The following LRP1 variants were observed in gnomAD, a reference collection of about 807,000 sequenced individuals.
The protein encoded by LRP1 is LDL receptor related protein 1.
LRP1 carries 51 observed loss-of-function variants against 541.5 expected under a neutral mutation model. That is an observed-to-expected ratio of 0.09 (90% confidence interval 0.08 to 0.12). The LOEUF is 0.12. Ranked by LOEUF, LRP1 falls within the 10% of genes least tolerant of loss-of-function variation. The probability of loss-of-function intolerance (pLI) is 1.00; values close to 1 mark genes in which losing one functional copy is unlikely to be tolerated. For synonymous variants in LRP1, 2,219 were observed against 2,470.8 expected, an observed-to-expected ratio of 0.90 and a Z score of 3.02; for missense variants, 3,878 against 6,376.2, an observed-to-expected ratio of 0.61 and a Z score of 13.34.
chr12:57,180,219 C>T (rs1166978802), intron 31 of LRP1, 78 bp downstream of exon 31: 4 of 1,568,268 alleles, frequency 2.6e-6, no homozygotes, highest in Non-Finnish European at 3.5e-6. Context: ...CCTTCAGTTG[C>T]CCCTCAGCCT....
At chr12:57,132,397 C>T (rs563995264) in intron 1 of LRP1, among the ~76,000 whole-genome samples, 1 of 152,302 alleles carries the variant, frequency 6.6e-6, no homozygotes, top group African/African-American at 2.4e-5. Context: ...CCTTTCTACC[C>T]TCCTGACTCC....
Position 57,206,828 on chromosome 12 carries a change from T to G in LRP1, c.11859+87T>G, listed in dbSNP as rs982358298. The G allele has an allele frequency of 6.9e-6, 10 of 1,459,096 alleles. No individual in the cohort carries two copies. Among genetic ancestry groups the G allele is most frequent in the Non-Finnish European group, 9.3e-6 (10 of 1,072,946 alleles). The allele number at this position is 1,459,096 out of a possible 1,614,324, so 90.4% of individuals were successfully genotyped here. On this transcript the variant is annotated intron_variant, in intron 76 of 88. Transcript: ENST00000243077. The surrounding 1 kb of genome is among the most constrained non-coding windows in gnomAD (Gnocchi z 4.7). ...AGGATTTGAAAAGGGCAGTGCTGGC[T>G]AGGCGCAGTGGCTCACGCCTATAAT... is the stretch of plus-strand genomic sequence containing the variant.
Position 57,154,858 on chromosome 12 carries a change from G to A in LRP1, c.1227+157G>A. On this transcript the variant is annotated intron_variant, in intron 8 of 88. Transcript: ENST00000243077. This position sits in a 1 kb window ranked among gnomAD's most constrained non-coding sequence, Gnocchi z 4.6. Reference sequence around the variant, plus strand: ...TGGGAGTGGGGTGGGCTTGAATACTGCAGAGAAAGGACAAGATACGGGTTC... The same window carrying A: ...TGGGAGTGGGGTGGGCTTGAATACTACAGAGAAAGGACAAGATACGGGTTC... 2.9e-6 allele frequency: 2 copies of A among 680,224 alleles called. No individual in the cohort carries two copies. Among genetic ancestry groups the A allele is most frequent in the Admixed American group, 4.4e-5 (2 of 45,022 alleles). The allele number at this position is 680,224 out of a possible 1,614,324, so 42.1% of individuals were successfully genotyped here. A position where few individuals can be genotyped will look rare whatever the true frequency, so the allele number is the denominator to read the frequency against.
In LRP1 at chr12:57,179,963, C is replaced by T. The variant is rs1157670948; in HGVS notation, c.5141+7C>T. On this transcript the variant is annotated splice_region_variant and intron_variant, in intron 30 of 88. Coordinates refer to ENST00000243077, the MANE Select transcript of LRP1 (RefSeq NM_002332.3). The surrounding 1 kb of genome is among the most constrained non-coding windows in gnomAD (Gnocchi z 6.8). ...TCGTCCACCCTCTGCGTGGGTCAGTCTAGGGCCCAGGGCCGGGGAGCATGG... is the reference window on the plus strand; with the variant it reads ...TCGTCCACCCTCTGCGTGGGTCAGTTTAGGGCCCAGGGCCGGGGAGCATGG... 6.2e-7 allele frequency: 1 copy of T among 1,613,880 alleles called. No individual in the cohort carries two copies. The highest frequency in any genetic ancestry group is 1.3e-5 in the African/African-American group (1 of 74,938).
chr12:57,184,236 C>A lies in LRP1; in HGVS notation c.6059+22C>A. 6.2e-7 allele frequency: 1 copy of A among 1,613,228 alleles called. No individual in the cohort carries two copies. Among genetic ancestry groups the A allele is most frequent in the Non-Finnish European group, 8.5e-7 (1 of 1,179,316 alleles). On this transcript the variant is annotated intron_variant, in intron 37 of 88. Coordinates refer to ENST00000243077, the MANE Select transcript of LRP1 (RefSeq NM_002332.3). The surrounding 1 kb of genome is among the most constrained non-coding windows in gnomAD (Gnocchi z 7.8). ...AAGGGTGAGGAGCTGGAAAGACTGG[C>A]CTTGTCATTCTGCCCATGGCCCATG...
chr12:57,141,395 G>C lies in LRP1; in HGVS notation c.212G>C (p.Arg71Pro). ...PEICPQSKAQ[R>P]CQPNEHNCLG... ...TCAGGTCCACAGAGTAAGGCCCAGC[G>C]ATGCCAGCCAAACGAGCATAACTGC... Residue 71 changes from arginine (R) to proline (P), a missense_variant, in exon 3 of 89, where the codon CGA (arginine) becomes CCA (proline). Arg to Pro is a moderately radical substitution (Grantham distance 103, BLOSUM62 -2). This residue lies in a region of LRP1 where 293 missense variants were observed against 403.7 expected (regional missense o/e 0.73). Transcript: ENST00000243077. The C allele has an allele frequency of 6.2e-7, 1 of 1,614,138 alleles. No homozygotes were observed. The highest frequency in any genetic ancestry group is 8.5e-7 in the Non-Finnish European group (1 of 1,180,014).
chr12:57,143,625 G>A lies in LRP1; in HGVS notation c.329-54G>A, dbSNP rs1031100996. ...GGTTTAGGGGAAGGTTGTGGCCTGC[G>A]TGGAGCTGCCAGATCTGGCGGCCTG... On this transcript the variant is annotated intron_variant, in intron 3 of 88. Transcript: ENST00000243077. 3.0e-5 allele frequency: 47 copies of A among 1,585,602 alleles called. 1 individual carries two copies. The highest frequency in any genetic ancestry group is 3.8e-5 in the Non-Finnish European group (44 of 1,161,322).
chr12:57,145,798 G>T (rs372540679), intron 6 of LRP1, among the ~76,000 whole-genome samples: 1 of 152,150 alleles, frequency 6.6e-6, no homozygotes, highest in African/African-American at 2.4e-5. Flanking sequence ...TGACTAGACT[G>T]CAGAGGGACT....
chr12:57,145,430 A>G lies in LRP1; in HGVS notation c.781A>G (p.Met261Val). 10 of 1,614,082 alleles carry G rather than the reference A, an allele frequency of 6.2e-6. No homozygotes were observed. Among genetic ancestry groups the G allele is most frequent in the Non-Finnish European group, 8.5e-6 (10 of 1,180,010 alleles). The change falls in exon 6 of 89, where the codon ATG becomes GTG. Residue 261 changes from methionine (M) to valine (V), a missense_variant. Transcript: ENST00000243077. ...AAQTQLKCAR[M>V]PGLKGFVDEH... ...TCAGACGCAGCTCAAGTGTGCCCGC[A>G]TGCCTGGCCTAAAGGGCTTCGTGGA... is the stretch of plus-strand genomic sequence containing the variant.
chr12:57,158,754 T>G lies in LRP1; in HGVS notation c.1798+116T>G. On this transcript the variant is annotated intron_variant, in intron 11 of 88. Coordinates refer to ENST00000243077, the MANE Select transcript of LRP1 (RefSeq NM_002332.3). This position sits in a 1 kb window ranked among gnomAD's most constrained non-coding sequence, Gnocchi z 5.3. ...CCTGCTGACTGGCTGGCTGCACTGG[T>G]TGGCATGGAGATGAGGGGATAGACA... The G allele has an allele frequency of 1.1e-6, 1 of 944,002 alleles. No homozygotes were observed. Among genetic ancestry groups the G allele is most frequent in the Non-Finnish European group, 1.6e-6 (1 of 607,820 alleles). 58.5% of individuals were successfully genotyped at this position (944,002 alleles called of 1,614,324 possible).
Position 57,184,104 on chromosome 12 carries a change from C to G in LRP1, c.5949C>G (p.Asp1983Glu). 6.2e-7 allele frequency: 1 copy of G among 1,614,028 alleles called. No homozygotes were observed. Among genetic ancestry groups the G allele is most frequent in the Non-Finnish European group, 8.5e-7 (1 of 1,179,964 alleles). The change falls in exon 37 of 89, where the codon GAC (aspartate) becomes GAG (glutamate). Residue 1983 changes from aspartate to glutamate, a missense_variant. Physicochemically the swap from Asp to Glu is conservative, Grantham distance 45 (BLOSUM62 2). This residue lies in a region of LRP1 where 394 missense variants were observed against 635.9 expected (regional missense o/e 0.62). Coordinates refer to ENST00000243077, the MANE Select transcript of LRP1 (RefSeq NM_002332.3). The surrounding 1 kb of genome is among the most constrained non-coding windows in gnomAD (Gnocchi z 7.8). ...DWIAGNIYWTDQGFDVIEVAR... is the reference protein window; with the variant it reads ...DWIAGNIYWTEQGFDVIEVAR... ...CCTTAGGCAACATCTACTGGACAGA[C>G]CAGGGCTTTGATGTCATCGAGGTCG...
At position 57,136,395 on chromosome 12, in the gene LRP1, G is replaced by GCCCCCCCCC. The variant is rs35376308; in HGVS notation, c.68-2060_68-2052dup. Among the ~76,000 whole-genome samples, 38 of 99,102 alleles carry GCCCCCCCCC rather than the reference G, an allele frequency of 3.8e-4. 3 individuals carry two copies. Among genetic ancestry groups the GCCCCCCCCC allele is most frequent in the African/African-American group, 8.1e-4 (20 of 24,770 alleles). The allele number at this position is 99,102 out of a possible 152,430, so 65.0% of individuals were successfully genotyped here. On this transcript the variant is annotated intron_variant, in intron 1 of 88. Transcript: ENST00000243077. ...CCATCAGACTCCCTCCCTCCTAAGAGCCCCCCCCCCCCGCCATTTTCCTTA... is the reference window on the plus strand; with the variant it reads ...CCATCAGACTCCCTCCCTCCTAAGAGCCCCCCCCCCCCCCCCCCCCCGCCATTTTCCTTA...
rs1199038145 is a variant in LRP1 at position 57,162,124 on chromosome 12, G to A, written c.2203-193G>A. ...CATCAGCATCCTTGCTGGATCACTC[G>A]ATCACCCGCTGGCTTCAGGATCTAC... On this transcript the variant is annotated intron_variant, in intron 13 of 88. Transcript: ENST00000243077. This position sits in a 1 kb window ranked among gnomAD's most constrained non-coding sequence, Gnocchi z 5.2. 6.6e-6 allele frequency among the ~76,000 whole-genome samples: 1 copy of A among 152,072 alleles called. No individual in the cohort carries two copies.
chr12:57,133,910 G>A (rs562053299), intron 1 of LRP1, among the ~76,000 whole-genome samples: 42 of 152,036 alleles, frequency 2.8e-4, no homozygotes, highest in Non-Finnish European at 4.6e-4. Flanking sequence ...CTCTGGAGAA[G>A]ACTCCTTCAG....
intron 47 of LRP1, 51 bp downstream of exon 47, chr12:57,193,736 C>G (rs768171513): frequency 6.2e-7 from 1 of 1,613,650 alleles, no homozygotes; most frequent in Admixed American, 1.7e-5. Context: ...TCCTGCCCCA[C>G]CCCTCCCTGG....
Position 57,197,426 on chromosome 12 carries a change from A to G in LRP1, c.9162+42A>G. 1 of 1,610,220 alleles carries G rather than the reference A, an allele frequency of 6.2e-7. No homozygotes were observed. The highest frequency in any genetic ancestry group is 1.1e-5 in the South Asian group (1 of 90,958). On this transcript the variant is annotated intron_variant, in intron 57 of 88. Transcript: ENST00000243077. This position sits in a 1 kb window ranked among gnomAD's most constrained non-coding sequence, Gnocchi z 4.5. ...CTCCTCCCCGCTGCCCATCTCCCAG[A>G]CCCAGCACAGCCTCCCTTGCAAGTC... is the stretch of plus-strand genomic sequence containing the variant.
chr12:57,172,704 C>T (rs1291819421), intron 20 of LRP1, among the ~76,000 whole-genome samples: 1 of 152,184 alleles, frequency 6.6e-6, no homozygotes, highest in Admixed American at 6.5e-5. Context: ...TTATCAATAC[C>T]TGAAATTACA....
At chr12:57,210,939 A>C (rs2036900726) in intron 83 of LRP1, 60 bp downstream of exon 83, 7 of 1,562,256 alleles carry the variant, frequency 4.5e-6, no homozygotes, top group Non-Finnish European at 5.2e-6. Context: ...ACCCCAGAGC[A>C]TGGGGTGATG....
In LRP1 at chr12:57,194,461, G is replaced by T. The variant is rs753357317; in HGVS notation, c.8026G>T (p.Ala2676Ser). The stretch of plus-strand genomic sequence containing the variant: ...CGCACCCAGCTGGGTGTGTGATGGC[G>T]CCAATGACTGTGGGGACTACAGTGA... ...CYAPSWVCDG[A>S]NDCGDYSDER... The change falls in exon 49 of 89, where the codon GCC becomes TCC. Residue 2676 changes from alanine to serine, a missense_variant. This residue lies in a region of LRP1 where 1,100 missense variants were observed against 1,827.4 expected (regional missense o/e 0.60). Transcript: ENST00000243077. 1 of 1,572,866 alleles carries T rather than the reference G, an allele frequency of 6.4e-7. No individual in the cohort carries two copies. The highest frequency in any genetic ancestry group is 8.6e-7 in the Non-Finnish European group (1 of 1,158,236).
Sources: allele counts gnomAD v4.1 joint callset (sites outside exome capture counted in the v4.1 genomes callset), GRCh38; gene constraint gnomAD v4.1.1; regional missense constraint gnomAD v4.1.1; non-coding constraint Gnocchi (gnomAD v3.1); transcripts MANE v1.5; gene names NCBI Gene and HGNC (gene_info 2026-07-23, HGNC 2026-07-21).